The following ERC2 variants were observed in gnomAD, a reference collection of about 807,000 sequenced individuals.
The protein encoded by ERC2 is ELKS/RAB6-interacting/CAST family member 2.
In ERC2, 42 loss-of-function variants were observed where a neutral mutation model predicts 114.8. The observed-to-expected ratio is 0.37, with a 90% confidence interval of 0.29 to 0.47. ERC2 has a LOEUF of 0.47. Among genes scored for constraint, ERC2 ranks in the 20% least tolerant of loss-of-function variants. ERC2 has a pLI of 0.99. For missense variants in ERC2, 939 were observed against 1,150.7 expected, an observed-to-expected ratio of 0.82 and a Z score of 2.66; for synonymous variants, 454 against 425.5, an observed-to-expected ratio of 1.07 and a Z score of -0.82.
At chr3:55,738,014 G>T (rs1471516577) in intron 14 of ERC2, among the ~76,000 whole-genome samples, 1 of 152,086 alleles carries the variant, frequency 6.6e-6, no homozygotes, top group Non-Finnish European at 1.5e-5. Flanking sequence ...TGTTCATCCA[G>T]TCCATCCGAC....
intron 14 of ERC2, among the ~76,000 whole-genome samples, chr3:55,784,809 T>G (rs926702328): frequency 2.2e-4 from 33 of 152,278 alleles, no homozygotes; most frequent in African/African-American, 7.7e-4. Flanking sequence ...TTGTCAGGAG[T>G]TAGTTCTTTG....
chr3:56,055,292 G>C (rs574780468), intron 7 of ERC2, among the ~76,000 whole-genome samples: 1 of 152,290 alleles, frequency 6.6e-6, no homozygotes, highest in Admixed American at 6.5e-5. Flanking sequence ...GGGGAGGGCA[G>C]ACTTAGGGGA....
rs568564962 is a variant in ERC2 at position 56,095,497 on chromosome 3, G to C, written c.1474-14513C>G. 4.6e-5 allele frequency among the ~76,000 whole-genome samples: 7 copies of C among 152,186 alleles called. No homozygotes were observed. The East Asian group carries it at 1.3e-3, about 29-fold the overall frequency. On this transcript the variant is annotated intron_variant, in intron 6 of 17. Transcript: ENST00000288221. ...AGTATGTCTAACATGTTTCCAATTG[G>C]GAAAAAAGAAAGAACATTTGCTTGT...
chr3:55,867,555 CAA>C (rs1376437335), intron 14 of ERC2, among the ~76,000 whole-genome samples: 2 of 151,886 alleles, frequency 1.3e-5, no homozygotes, highest in Admixed American at 6.6e-5. Flanking sequence ...ATGAAAAAAA[CAA>C]GAGAAAAAAT....
intron 4 of ERC2, among the ~76,000 whole-genome samples, chr3:56,163,823 T>C (rs1361979254): frequency 6.6e-6 from 1 of 152,066 alleles, no homozygotes; most frequent in Non-Finnish European, 1.5e-5. Context: ...GATCCAACTT[T>C]TCACTCTGTG....
At chr3:55,949,729 G>A (rs1323775524) in intron 13 of ERC2, among the ~76,000 whole-genome samples, 4 of 152,102 alleles carry the variant, frequency 2.6e-5, no homozygotes, top group Non-Finnish European at 4.4e-5. Flanking sequence ...CATGAACTCC[G>A]GCCAACTTGA....
intron 3 of ERC2, among the ~76,000 whole-genome samples, chr3:56,177,429 A>G (rs1209174990): frequency 6.6e-6 from 1 of 152,230 alleles, no homozygotes; most frequent in African/African-American, 2.4e-5. Context: ...ACTGAGTATA[A>G]GATTTAACTT....
chr3:55,967,407 T>C (rs1402942823), intron 12 of ERC2, among the ~76,000 whole-genome samples: 1 of 152,212 alleles, frequency 6.6e-6, no homozygotes, highest in African/African-American at 2.4e-5. Context: ...GTTTTCCTGA[T>C]GATAGGGTCT....
At chr3:55,844,361 CAAT>C (rs778256825) in intron 14 of ERC2, among the ~76,000 whole-genome samples, 1 of 152,236 alleles carries the variant, frequency 6.6e-6, no homozygotes, top group East Asian at 1.9e-4. Flanking sequence ...TGGAATACAA[CAAT>C]GAGAATGAAT....
At chr3:55,958,544 A>C (rs916496799) in intron 12 of ERC2, among the ~76,000 whole-genome samples, 7 of 152,112 alleles carry the variant, frequency 4.6e-5, no homozygotes, top group African/African-American at 1.2e-4. Context: ...TCTGCCTCCC[A>C]CTGCCATCAA....
chr3:55,902,863 C>G (rs1397919579), intron 13 of ERC2, among the ~76,000 whole-genome samples: 1 of 152,218 alleles, frequency 6.6e-6, no homozygotes, highest in Non-Finnish European at 1.5e-5. Flanking sequence ...CCAAGGGAGC[C>G]TGGCGGAGAG....
At chr3:56,139,788 A>G in intron 5 of ERC2, 112 bp from the exon 6 acceptor site, 1 of 1,181,212 alleles carries the variant, frequency 8.5e-7, no homozygotes, top group Non-Finnish European at 1.2e-6. Context: ...ATAATCCAAC[A>G]AGGCAGGCCA....
chr3:56,423,572 T>A (rs2061462692), intron 2 of ERC2, among the ~76,000 whole-genome samples: 1 of 152,232 alleles, frequency 6.6e-6, no homozygotes, highest in Non-Finnish European at 1.5e-5. Flanking sequence ...CGCCCAGCCA[T>A]GGGTTTGTAA....
chr3:55,894,518 C>T (rs1205144771), intron 13 of ERC2, among the ~76,000 whole-genome samples: 3 of 152,272 alleles, frequency 2.0e-5, no homozygotes, highest in South Asian at 2.1e-4. Context: ...TGGGCTTCTA[C>T]GTGTACCCAT....
intron 1 of ERC2, among the ~76,000 whole-genome samples, chr3:56,466,777 T>C (rs1168410510): frequency 6.6e-6 from 1 of 152,188 alleles, no homozygotes; most frequent in Non-Finnish European, 1.5e-5. Flanking sequence ...AAGCCCCAAG[T>C]ACTGTATACT....
At position 55,718,086 on chromosome 3, in the gene ERC2, G is replaced by A. The variant is rs111814052; in HGVS notation, c.2712+16685C>T. On this transcript the variant is annotated intron_variant, in intron 15 of 17. Coordinates refer to ENST00000288221, the MANE Select transcript of ERC2 (RefSeq NM_015576.3). ...CAGGATCAGGCTTTTTTATGTGACC[G>A]CTGTTCTGACAAAGTACCCAAGCAG... Among the ~76,000 whole-genome samples, 205 of 152,258 alleles carry A rather than the reference G, an allele frequency of 1.3e-3. 3 individuals carry two copies. The highest frequency in any genetic ancestry group is 4.7e-3 in the African/African-American group (195 of 41,552).
intron 17 of ERC2, among the ~76,000 whole-genome samples, chr3:55,630,042 G>A (rs1272592505): frequency 6.6e-6 from 1 of 152,230 alleles, no homozygotes; most frequent in African/African-American, 2.4e-5. Context: ...CAGGACGGAA[G>A]AGAAGACGGG....
At chr3:56,407,391 C>T (rs1395737477) in intron 2 of ERC2, among the ~76,000 whole-genome samples, 2 of 152,158 alleles carry the variant, frequency 1.3e-5, no homozygotes, top group Admixed American at 6.5e-5. Context: ...TGAGAACATG[C>T]TCTTAAGTCT....
intron 2 of ERC2, among the ~76,000 whole-genome samples, chr3:56,360,311 A>G (rs1386807187): frequency 1.3e-5 from 2 of 151,972 alleles, no homozygotes; most frequent in African/African-American, 4.8e-5. Context: ...TGGGATTACA[A>G]GCATGAGCCA....
Sources: allele counts gnomAD v4.1 joint callset (sites outside exome capture counted in the v4.1 genomes callset), GRCh38; gene constraint gnomAD v4.1.1; transcripts MANE v1.5; gene names NCBI Gene and HGNC (gene_info 2026-07-23, HGNC 2026-07-21).